The following SRF variants were observed in gnomAD, a reference collection of about 807,000 sequenced individuals.
SRF encodes c-fos serum response element-binding transcription factor.
Under a neutral mutation model 37.1 loss-of-function variants are expected in SRF, and 7 were observed. That is an observed-to-expected ratio of 0.19 (90% CI 0.11 to 0.35). The LOEUF is 0.35. Among genes scored for constraint, SRF ranks in the 10% least tolerant of loss-of-function variants. The probability of loss-of-function intolerance (pLI) is 1.00; values close to 1 mark genes in which losing one functional copy is unlikely to be tolerated. For missense variants in SRF, 395 were observed against 694.4 expected (o/e 0.57, Z 4.85); for synonymous variants, 285 against 310.1 (o/e 0.92, Z 0.85).
At position 43,181,092 on chromosome 6, in the gene SRF, C is replaced by T. The variant is rs1459066097; in HGVS notation, c.*1902C>T. ...CTCTGCTCTTGTTTCACTCCACCAT[C>T]ACTCACTCACTCCCCACTCCCCCAC... is the stretch of plus-strand genomic sequence containing the variant. On this transcript the variant is annotated 3_prime_UTR_variant, in exon 7 of 7. Coordinates refer to ENST00000265354, the MANE Select transcript of SRF (RefSeq NM_003131.4). 1.3e-5 allele frequency: 2 copies of T among 152,636 alleles called. No homozygotes were observed. The highest frequency in any genetic ancestry group is 4.8e-5 in the African/African-American group (2 of 41,426). 9.5% of individuals were successfully genotyped at this position (152,636 alleles called of 1,614,324 possible).
chr6:43,177,930 AAGG>A (rs1483802122), intron 4 of SRF, among the ~76,000 whole-genome samples: 3 of 151,648 alleles, frequency 2.0e-5, no homozygotes, highest in Non-Finnish European at 2.9e-5. Flanking sequence ...AAAAAAAAAA[AAGG>A]AGGGAGAATG....
chr6:43,178,078 A>G lies in SRF; in HGVS notation c.1163-216A>G, dbSNP rs1480599366. ...ATTCAGTAGATAGACAATTGAATAA[A>G]TAGTACAATGTGATAGGATACAATT... is the stretch of plus-strand genomic sequence containing the variant. On this transcript the variant is annotated intron_variant, in intron 4 of 6. Coordinates refer to ENST00000265354, the MANE Select transcript of SRF (RefSeq NM_003131.4). The surrounding 1 kb of genome is among the most constrained non-coding windows in gnomAD (Gnocchi z 4.3). Among the ~76,000 whole-genome samples, 2 of 152,208 alleles carry G rather than the reference A, an allele frequency of 1.3e-5. No homozygotes were observed.
rs1400745056 is a variant in SRF at position 43,172,769 on chromosome 6, A to G, written c.513+600A>G. Among the ~76,000 whole-genome samples the G allele has an allele frequency of 2.0e-5, 3 of 152,120 alleles. No homozygotes were observed. The highest frequency in any genetic ancestry group is 4.8e-5 in the African/African-American group (2 of 41,412). On this transcript the variant is annotated intron_variant, in intron 1 of 6. Coordinates refer to ENST00000265354, the MANE Select transcript of SRF (RefSeq NM_003131.4). The surrounding 1 kb of genome is among the most constrained non-coding windows in gnomAD (Gnocchi z 5.7). ...GTCCTGCGCCGGCCGTGAGTCTTCC[A>G]TGGCATCCACTGGGAACCACATGCT...
At position 43,179,977 on chromosome 6, in the gene SRF, T is replaced by C. The variant is rs1356629535; in HGVS notation, c.*787T>C. ...TATTTAACTTTTTTTTATGGCGTTT[T>C]TCTCGTCCCCCTCCCTGCCCAAACT... On this transcript the variant is annotated 3_prime_UTR_variant, in exon 7 of 7. Coordinates refer to ENST00000265354, the MANE Select transcript of SRF (RefSeq NM_003131.4). This position sits in a 1 kb window ranked among gnomAD's most constrained non-coding sequence, Gnocchi z 5.3. The C allele has an allele frequency of 6.6e-6, 1 of 152,148 alleles. No homozygotes were observed. Among genetic ancestry groups the C allele is most frequent in the African/African-American group, 2.4e-5 (1 of 41,460 alleles). The allele number at this position is 152,148 out of a possible 1,614,324, so 9.4% of individuals were successfully genotyped here.
chr6:43,171,955 G>A lies in SRF; in HGVS notation c.299G>A (p.Arg100Gln). The change falls in exon 1 of 7, where the codon CGG becomes CAG. Residue 100 changes from arginine to glutamine, a missense_variant. Arg to Gln is a conservative substitution (Grantham distance 43). This residue lies in a region of SRF where 134 missense variants were observed against 204.5 expected (regional missense o/e 0.66). Transcript: ENST00000265354. This position sits in a 1 kb window ranked among gnomAD's most constrained non-coding sequence, Gnocchi z 6.5. ...ELGAERRGLK[R>Q]SLSEMEIGMV... Reference sequence around the variant, plus strand: ...GGCGCCGAGCGGCGCGGCCTGAAGCGGAGCCTGAGCGAGATGGAGATCGGT... The same window carrying A: ...GGCGCCGAGCGGCGCGGCCTGAAGCAGAGCCTGAGCGAGATGGAGATCGGT... 1 of 1,511,326 alleles carries A rather than the reference G, an allele frequency of 6.6e-7. No homozygotes were observed. The highest frequency in any genetic ancestry group is 8.9e-7 in the Non-Finnish European group (1 of 1,129,844). 93.6% of individuals were successfully genotyped at this position (1,511,326 alleles called of 1,614,324 possible).
intron 2 of SRF, 97 bp from the exon 3 acceptor site, chr6:43,175,609 G>C: frequency 6.6e-7 from 1 of 1,520,824 alleles, no homozygotes; most frequent in Admixed American, 1.7e-5. Flanking sequence ...TTGAACCCAA[G>C]CTCACTGGTT....
rs1430488969 is a variant in SRF, at chr6:43,173,804, T to G, written c.514-43T>G. 1 of 1,591,622 alleles carries G rather than the reference T, an allele frequency of 6.3e-7. No individual in the cohort carries two copies. Among genetic ancestry groups the G allele is most frequent in the Non-Finnish European group, 8.6e-7 (1 of 1,167,122 alleles). On this transcript the variant is annotated intron_variant, in intron 1 of 6. Transcript: ENST00000265354. This position sits in a 1 kb window ranked among gnomAD's most constrained non-coding sequence, Gnocchi z 4.2. ...TCCAACTTCTCAAGGAAGGTAGAGA[T>G]AAAAAGTTTGCTGACCTGCCCATCT...
rs975152605 is a variant in SRF at position 43,178,582 on chromosome 6, A to G, written c.1354+97A>G. ...ACACACATATGCACTGATGCCTACA[A>G]ATATTTCTACCCAAATACAACACAG... On this transcript the variant is annotated intron_variant, in intron 5 of 6. Coordinates refer to ENST00000265354, the MANE Select transcript of SRF (RefSeq NM_003131.4). This position sits in a 1 kb window ranked among gnomAD's most constrained non-coding sequence, Gnocchi z 4.3. The G allele has an allele frequency of 2.8e-6, 4 of 1,446,376 alleles. No individual in the cohort carries two copies. In the African/African-American group the frequency reaches 5.6e-5, roughly 20 times the overall value. 89.6% of individuals were successfully genotyped at this position (1,446,376 alleles called of 1,614,324 possible).
Position 43,172,876 on chromosome 6 carries a change from G to A in SRF, c.513+707G>A, listed in dbSNP as rs940451071. ...CTAGGGAGAATCTATGCTTGGATGG[G>A]GTTTGGGGGAAGTCAGGGAGGCTTG... On this transcript the variant is annotated intron_variant, in intron 1 of 6. Coordinates refer to ENST00000265354, the MANE Select transcript of SRF (RefSeq NM_003131.4). The surrounding 1 kb of genome is among the most constrained non-coding windows in gnomAD (Gnocchi z 5.7). Among the ~76,000 whole-genome samples, 1 of 152,162 alleles carries A rather than the reference G, an allele frequency of 6.6e-6. No individual in the cohort carries two copies. The highest frequency in any genetic ancestry group is 1.9e-4 in the East Asian group (1 of 5,188).
Position 43,175,870 on chromosome 6 carries a change from C to T in SRF, c.945C>T (p.Val315=). The T allele has an allele frequency of 4.3e-6, 7 of 1,614,170 alleles. No homozygotes were observed. The highest frequency in any genetic ancestry group is 5.9e-6 in the Non-Finnish European group (7 of 1,180,024). ...PVSASVSPSA[V]SSANGTVLKS... ...CTGCTAGTGTCAGCCCCAGTGCTGT[C>T]AGCAGTGCCAATGGGACTGTGCTGA... is the stretch of plus-strand genomic sequence containing the variant. Residue 315 remains valine (V), a synonymous_variant, in exon 3 of 7, where the codon GTC becomes GTT. Transcript: ENST00000265354.
Position 43,176,742 on chromosome 6 carries a change from C to A in SRF, c.1162+75C>A. On this transcript the variant is annotated intron_variant, in intron 4 of 6. Transcript: ENST00000265354. The surrounding 1 kb of genome is among the most constrained non-coding windows in gnomAD (Gnocchi z 4.0). ...CCTAGCAGTAGGTGCCCAACAGTAA[C>A]CCTCCTGTAACTAAAGTCAGGGGAT... 6.5e-7 allele frequency: 1 copy of A among 1,544,268 alleles called. No homozygotes were observed. The highest frequency in any genetic ancestry group is 8.8e-7 in the Non-Finnish European group (1 of 1,135,306).
rs1772144508 is a variant in SRF at position 43,173,482 on chromosome 6, C to A, written c.514-365C>A. 6.6e-6 allele frequency among the ~76,000 whole-genome samples: 1 copy of A among 152,158 alleles called. No homozygotes were observed. The highest frequency in any genetic ancestry group is 1.5e-5 in the Non-Finnish European group (1 of 68,026). On this transcript the variant is annotated intron_variant, in intron 1 of 6. Transcript: ENST00000265354. This position sits in a 1 kb window ranked among gnomAD's most constrained non-coding sequence, Gnocchi z 4.2. ...AAATTCCAGTGTGATAGGTAGGGATCCATCCTGGTCCCTGTGACAGTGAGA... is the reference window on the plus strand; with the variant it reads ...AAATTCCAGTGTGATAGGTAGGGATACATCCTGGTCCCTGTGACAGTGAGA...
chr6:43,176,431 A>T lies in SRF; in HGVS notation c.1043-117A>T. On this transcript the variant is annotated intron_variant, in intron 3 of 6. Transcript: ENST00000265354. The surrounding 1 kb of genome is among the most constrained non-coding windows in gnomAD (Gnocchi z 4.0). ...AGGGCCTCTTTGGCTTCCAGGAAAGATAGTGATGGGAGTTGGAGACCAGTG... is the reference window on the plus strand; with the variant it reads ...AGGGCCTCTTTGGCTTCCAGGAAAGTTAGTGATGGGAGTTGGAGACCAGTG... The T allele has an allele frequency of 1.3e-6, 2 of 1,492,460 alleles. No homozygotes were observed. The highest frequency in any genetic ancestry group is 1.8e-6 in the Non-Finnish European group (2 of 1,097,132). 92.5% of individuals were successfully genotyped at this position (1,492,460 alleles called of 1,614,324 possible). A position where few individuals can be genotyped will look rare whatever the true frequency, so the allele number is the denominator to read the frequency against.
In SRF at chr6:43,179,969, T is replaced by C. The variant is rs1243221000; in HGVS notation, c.*779T>C. 1 of 152,152 alleles carries C rather than the reference T, an allele frequency of 6.6e-6. No individual in the cohort carries two copies. The highest frequency in any genetic ancestry group is 1.5e-5 in the Non-Finnish European group (1 of 68,026). The allele number at this position is 152,152 out of a possible 1,614,324, so 9.4% of individuals were successfully genotyped here. A position where few individuals can be genotyped will look rare whatever the true frequency, so the allele number is the denominator to read the frequency against. ...TTTTAAAATATTTAACTTTTTTTTATGGCGTTTTTCTCGTCCCCCTCCCTG... is the reference window on the plus strand; with the variant it reads ...TTTTAAAATATTTAACTTTTTTTTACGGCGTTTTTCTCGTCCCCCTCCCTG... On this transcript the variant is annotated 3_prime_UTR_variant, in exon 7 of 7. Transcript: ENST00000265354. This position sits in a 1 kb window ranked among gnomAD's most constrained non-coding sequence, Gnocchi z 5.3.
chr6:43,175,617 G>T, intron 2 of SRF, 89 bp from the exon 3 acceptor site: 1 of 1,558,950 alleles, frequency 6.4e-7, no homozygotes, highest in South Asian at 1.2e-5. Flanking sequence ...AAGCTCACTG[G>T]TTTCAGTCTG....
At chr6:43,176,000 T>A (rs1293088370) in intron 3 of SRF, 33 bp downstream of exon 3, 2 of 1,599,712 alleles carry the variant, frequency 1.3e-6, no homozygotes, top group South Asian at 2.2e-5. Context: ...AGATTCGTCC[T>A]TCCTGGGGCA....
In SRF at chr6:43,179,091, C is replaced by T; in HGVS notation, c.1432-4C>T. Reference sequence around the variant, plus strand: ...CCCCTCCTCATACATCCCCTTCCCTCCAGATGGCTGTGATAGGGCAGCAGG... The same window carrying T: ...CCCCTCCTCATACATCCCCTTCCCTTCAGATGGCTGTGATAGGGCAGCAGG... On this transcript the variant is annotated splice_region_variant and splice_polypyrimidine_tract_variant and intron_variant, in intron 6 of 6. Transcript: ENST00000265354. This position sits in a 1 kb window ranked among gnomAD's most constrained non-coding sequence, Gnocchi z 5.3. 1 of 1,614,042 alleles carries T rather than the reference C, an allele frequency of 6.2e-7. No homozygotes were observed. Among genetic ancestry groups the T allele is most frequent in the Non-Finnish European group, 8.5e-7 (1 of 1,179,906 alleles).
chr6:43,177,238 T>G (rs1165997097), intron 4 of SRF, among the ~76,000 whole-genome samples: 1 of 146,154 alleles, frequency 6.8e-6, no homozygotes. Flanking sequence ...GTTTTTTTTT[T>G]TTTTTTTGAG....
In SRF at chr6:43,178,493, G is replaced by C. The variant is rs116728249; in HGVS notation, c.1354+8G>C. 6.2e-4 allele frequency: 997 copies of C among 1,611,314 alleles called. 3 individuals carry two copies. In the African/African-American group the frequency reaches 9.3e-3, roughly 15 times the overall value. On this transcript the variant is annotated splice_region_variant and intron_variant, in intron 5 of 6. Coordinates refer to ENST00000265354, the MANE Select transcript of SRF (RefSeq NM_003131.4). The surrounding 1 kb of genome is among the most constrained non-coding windows in gnomAD (Gnocchi z 4.3). Reference sequence around the variant, plus strand: ...GCCAGGTCCAGGAGCCAGGTGAGTAGAGGAGCAGGGCTAAGGAAAGGAGGA... The same window carrying C: ...GCCAGGTCCAGGAGCCAGGTGAGTACAGGAGCAGGGCTAAGGAAAGGAGGA...
Sources: gnomAD v4.1 joint callset for allele counts (sites outside exome capture counted in the v4.1 genomes callset) on GRCh38, gnomAD v4.1.1 for gene constraint, gnomAD v4.1.1 regional missense constraint, Gnocchi (gnomAD v3.1) non-coding constraint, MANE v1.5 for transcripts, NCBI Gene and HGNC (gene_info 2026-07-23, HGNC 2026-07-21) for gene names.